TRPV4: variants seen among roughly 807,000 people sequenced by gnomAD.
TRPV4 encodes transient receptor potential cation channel subfamily V member 4, also known as OSM9-like transient receptor potential channel 4.
A neutral mutation model predicts 84.1 loss-of-function variants in TRPV4; 58 were observed. The ratio of observed to expected loss-of-function variants is 0.69; its 90% confidence interval spans 0.56 to 0.86. The LOEUF is 0.86. Ranked by LOEUF, TRPV4 falls within the 40% of genes least tolerant of loss-of-function variation. The pLI is 0.00. For missense variants in TRPV4, 879 were observed against 1,181.1 expected (o/e 0.74, Z 3.75); for synonymous variants, 489 against 500.9 (o/e 0.98, Z 0.32).
rs376679493 is a variant in TRPV4, at chr12:109,793,506, G to A, written c.1658+21C>T. On this transcript the variant is annotated intron_variant, in intron 10 of 15. Coordinates refer to ENST00000261740, the MANE Select transcript of TRPV4 (RefSeq NM_021625.5). The surrounding 1 kb of genome is among the most constrained non-coding windows in gnomAD (Gnocchi z 4.0). ...CCACCTTCCTCACCCAGAAGCTGCCGGCCCAGGGACCTCTACTCACTAGAG... is the reference window on the plus strand; with the variant it reads ...CCACCTTCCTCACCCAGAAGCTGCCAGCCCAGGGACCTCTACTCACTAGAG... 15 of 1,608,786 alleles carry A rather than the reference G, an allele frequency of 9.3e-6. No individual in the cohort carries two copies. Among genetic ancestry groups the A allele is most frequent in the Admixed American group, 1.7e-5 (1 of 59,976 alleles).
chr12:109,817,461 C>T (rs960304472), intron 1 of TRPV4, among the ~76,000 whole-genome samples: 29 of 152,142 alleles, frequency 1.9e-4, no homozygotes, highest in African/African-American at 7.0e-4. Flanking sequence ...CATGCCTGCA[C>T]CCTCCTCCCC....
At chr12:109,787,384 A>G (rs1889758266) in intron 13 of TRPV4, among the ~76,000 whole-genome samples, 1 of 152,204 alleles carries the variant, frequency 6.6e-6, no homozygotes, top group Non-Finnish European at 1.5e-5. Flanking sequence ...GCAGGTGGAT[A>G]GCTTGAACTC....
intron 1 of TRPV4, among the ~76,000 whole-genome samples, chr12:109,826,406 G>A (rs1053961844): frequency 2.0e-5 from 3 of 152,126 alleles, no homozygotes; most frequent in Non-Finnish European, 2.9e-5. Flanking sequence ...AGTCAGTCCC[G>A]GGGGAAAGGA....
chr12:109,792,680 G>C lies in TRPV4; in HGVS notation c.1796C>G (p.Thr599Arg), dbSNP rs769225216. Reference sequence around the variant, plus strand: ...CTGGATCATGATGCTATAGGTCCCCGTCAGCTTCAGCCCACGGGTGAAGTA... The same window carrying C: ...CTGGATCATGATGCTATAGGTCCCCCTCAGCTTCAGCCCACGGGTGAAGTA... ...ALYFTRGLKL[T>R]GTYSIMIQKI... The change falls in exon 11 of 16, where the codon ACG (threonine) becomes AGG (arginine). Residue 599 changes from threonine (T) to arginine (R), a missense_variant. Coordinates refer to ENST00000261740, the MANE Select transcript of TRPV4 (RefSeq NM_021625.5). The C allele has an allele frequency of 6.2e-7, 1 of 1,614,164 alleles. No homozygotes were observed. The highest frequency in any genetic ancestry group is 8.5e-7 in the Non-Finnish European group (1 of 1,180,032).
At chr12:109,792,590 T>A in intron 11 of TRPV4, 62 bp downstream of exon 11, 1 of 1,601,024 alleles carries the variant, frequency 6.2e-7, no homozygotes, top group Non-Finnish European at 8.6e-7. Context: ...TAAGTGTGCA[T>A]GTGGTGTGTG....
At chr12:109,801,804 T>C (rs1890804296) in intron 4 of TRPV4, among the ~76,000 whole-genome samples, 1 of 152,108 alleles carries the variant, frequency 6.6e-6, no homozygotes, top group Non-Finnish European at 1.5e-5. Flanking sequence ...CACTCCAGCT[T>C]GGGTAACAGA....
In TRPV4 at chr12:109,792,632, A is replaced by G; in HGVS notation, c.1824+20T>C. Reference sequence around the variant, plus strand: ...TCCCTCCAGGAACACACGAGTCCAGAGGGTCCTCCCAGCCCGTACCTTCTG... The same window carrying G: ...TCCCTCCAGGAACACACGAGTCCAGGGGGTCCTCCCAGCCCGTACCTTCTG... On this transcript the variant is annotated intron_variant, in intron 11 of 15. Transcript: ENST00000261740. 6.2e-7 allele frequency: 1 copy of G among 1,614,106 alleles called. No individual in the cohort carries two copies. Among genetic ancestry groups the G allele is most frequent in the Non-Finnish European group, 8.5e-7 (1 of 1,180,004 alleles).
intron 3 of TRPV4, among the ~76,000 whole-genome samples, chr12:109,807,043 A>G (rs1465208863): frequency 6.6e-6 from 1 of 152,100 alleles, no homozygotes; most frequent in East Asian, 1.9e-4. Flanking sequence ...TCGGGAGGCC[A>G]AGGCGGGCAG....
intron 1 of TRPV4, among the ~76,000 whole-genome samples, chr12:109,821,044 G>T (rs183807647): frequency 6.6e-6 from 1 of 152,224 alleles, no homozygotes; most frequent in South Asian, 2.1e-4. Flanking sequence ...GGTTACCCGC[G>T]GCTTTGCCTG....
intron 8 of TRPV4, 51 bp from the exon 9 acceptor site, chr12:109,794,073 G>A: frequency 6.8e-7 from 1 of 1,465,822 alleles, no homozygotes; most frequent in East Asian, 2.3e-5. Context: ...TCCAACATCT[G>A]GCCCCCAATC....
rs1891740482 is a variant in TRPV4 at position 109,814,590 on chromosome 12, C to T, written c.207G>A (p.Met69Ile). ...CCTTGCGGAAGGCGCCCTGGAACTT[C>T]ATGCGCAGATTTGGTCGCCCATCGC... ...GPGDGRPNLR[M>I]KFQGAFRKGV... The change falls in exon 2 of 16, where the codon ATG becomes ATA. Residue 69 changes from methionine (M) to isoleucine (I), a missense_variant. Around this residue, in one of 4 missense-constraint regions of TRPV4, gnomAD observed 107 missense variants for 99.4 expected, o/e 1.08. Transcript: ENST00000261740. This position sits in a 1 kb window ranked among gnomAD's most constrained non-coding sequence, Gnocchi z 5.4. 4 of 1,614,118 alleles carry T rather than the reference C, an allele frequency of 2.5e-6. No homozygotes were observed. Among genetic ancestry groups the T allele is most frequent in the South Asian group, 1.1e-5 (1 of 91,084 alleles).
At chr12:109,791,629 C>A (rs117145318) in intron 12 of TRPV4, among the ~76,000 whole-genome samples, 4,296 of 150,932 alleles carry the variant, frequency 0.028, 86 homozygotes, top group Non-Finnish European at 0.041. Context: ...TCTATAGTTG[C>A]GCGCCACCAT....
Position 109,814,844 on chromosome 12 carries a change from G to C in TRPV4, c.-31-17C>G. ...CTGCTCAGCCTGCAAGGGAATGAAA[G>C]GGGAGTCAGGCAGAACCCGGCCAGG... is the stretch of plus-strand genomic sequence containing the variant. On this transcript the variant is annotated splice_polypyrimidine_tract_variant and intron_variant, in intron 1 of 15. Transcript: ENST00000261740. This position sits in a 1 kb window ranked among gnomAD's most constrained non-coding sequence, Gnocchi z 5.4. 6.5e-7 allele frequency: 1 copy of C among 1,533,894 alleles called. No individual in the cohort carries two copies.
intron 3 of TRPV4, among the ~76,000 whole-genome samples, chr12:109,806,483 G>A (rs1224096862): frequency 6.6e-6 from 1 of 151,246 alleles, no homozygotes; most frequent in Non-Finnish European, 1.5e-5. Flanking sequence ...GGGATTATAG[G>A]CATGAGCCAC....
chr12:109,784,303 C>G lies in TRPV4; in HGVS notation c.2458+13G>C. 1 of 1,614,098 alleles carries G rather than the reference C, an allele frequency of 6.2e-7. No individual in the cohort carries two copies. The highest frequency in any genetic ancestry group is 8.5e-7 in the Non-Finnish European group (1 of 1,180,014). ...GGACTGGGGCTCCCCTCCGCACCCG[C>G]CCCTCCACTCACCCCTGCGGAGGCG... On this transcript the variant is annotated intron_variant, in intron 15 of 15. Transcript: ENST00000261740.
intron 3 of TRPV4, among the ~76,000 whole-genome samples, chr12:109,804,441 G>C (rs1890997186): frequency 6.6e-6 from 1 of 152,150 alleles, no homozygotes; most frequent in African/African-American, 2.4e-5. Context: ...TCTCTGCTTA[G>C]GGTCCTTTCT....
chr12:109,830,133 C>T (rs1892373171), intron 1 of TRPV4, among the ~76,000 whole-genome samples: 1 of 152,196 alleles, frequency 6.6e-6, no homozygotes, highest in African/African-American at 2.4e-5. Context: ...GTTCCTATCT[C>T]TGGACTGCAG....
chr12:109,808,172 A>C, intron 3 of TRPV4, 124 bp downstream of exon 3: 1 of 1,111,548 alleles, frequency 9.0e-7, no homozygotes, highest in Admixed American at 2.0e-5. Context: ...TGTCCAGTGC[A>C]CTTTCCAGGC....
At chr12:109,790,594 G>T (rs1889963739) in intron 12 of TRPV4, among the ~76,000 whole-genome samples, 1 of 152,158 alleles carries the variant, frequency 6.6e-6, no homozygotes. Flanking sequence ...CTAAGAAGTG[G>T]AGTCTAGGCC....
Sources: gnomAD v4.1 joint callset for allele counts (sites outside exome capture counted in the v4.1 genomes callset) on GRCh38, gnomAD v4.1.1 for gene constraint, gnomAD v4.1.1 regional missense constraint, Gnocchi (gnomAD v3.1) non-coding constraint, MANE v1.5 for transcripts, NCBI Gene and HGNC (gene_info 2026-07-23, HGNC 2026-07-21) for gene names.